EIF2AK4: variants seen among roughly 807,000 people sequenced by gnomAD.
The protein encoded by EIF2AK4 is eukaryotic translation initiation factor 2 alpha kinase 4.
In EIF2AK4, 139 loss-of-function variants were observed where a neutral mutation model predicts 211.1. The observed-to-expected ratio is 0.66, with a 90% CI of 0.57 to 0.76. The LOEUF is 0.76. EIF2AK4 is among the 30% of genes least tolerant of loss of function. EIF2AK4 has a pLI of 0.00. For missense variants in EIF2AK4, 1,664 were observed against 2,043.8 expected (o/e 0.81, Z 3.58); for synonymous variants, 710 against 751.3 (o/e 0.94, Z 0.90).
chr15:40,015,036 A>G (rs902790810), intron 27 of EIF2AK4, among the ~76,000 whole-genome samples: 1 of 152,160 alleles, frequency 6.6e-6, no homozygotes, highest in Non-Finnish European at 1.5e-5. Flanking sequence ...CCTCATCTCC[A>G]TCTGAGACCA....
Position 40,017,504 on chromosome 15 carries a change from TATA to T in EIF2AK4, c.4065+263_4065+265del, listed in dbSNP as rs2035320453. Among the ~76,000 whole-genome samples, 218 of 81,042 alleles carry T rather than the reference TATA, an allele frequency of 2.7e-3. 17 individuals are homozygous for T. The highest frequency in any genetic ancestry group is 0.023 in the East Asian group (54 of 2,342). 53.2% of individuals were successfully genotyped at this position (81,042 alleles called of 152,430 possible). A position where few individuals can be genotyped will look rare whatever the true frequency, so the allele number is the denominator to read the frequency against. ...TCATGTACCCTTTACTCTGTTTCTA[TATA>T]TATATATATATATATATATATATAT... On this transcript the variant is annotated intron_variant, in intron 29 of 38. Transcript: ENST00000263791.
chr15:39,951,551 C>A, intron 4 of EIF2AK4: 2 of 336,540 alleles, frequency 5.9e-6, no homozygotes. Context: ...GTTTTAAAAT[C>A]CTGAGCAATT....
At chr15:39,944,845 A>G (rs1595541893) in intron 3 of EIF2AK4, among the ~76,000 whole-genome samples, 1 of 152,320 alleles carries the variant, frequency 6.6e-6, no homozygotes, top group South Asian at 2.1e-4. Context: ...AAGTAACTGG[A>G]CAGATTTTTA....
chr15:39,969,497 T>A (rs1566989483), intron 9 of EIF2AK4, among the ~76,000 whole-genome samples: 1 of 151,178 alleles, frequency 6.6e-6, no homozygotes, highest in Non-Finnish European at 1.5e-5. Context: ...AGTAGCTGGG[T>A]CTACAGGCGC....
chr15:39,945,040 C>T (rs74984086), intron 3 of EIF2AK4, among the ~76,000 whole-genome samples: 6 of 152,086 alleles, frequency 3.9e-5, no homozygotes, highest in African/African-American at 1.4e-4. Flanking sequence ...CTTTCTAGTA[C>T]AAGGGGATTC....
intron 3 of EIF2AK4, among the ~76,000 whole-genome samples, chr15:39,947,077 T>C (rs2034238923): frequency 6.6e-6 from 1 of 152,200 alleles, no homozygotes; most frequent in Admixed American, 6.5e-5. Context: ...CCGCCTGTGC[T>C]AGCATTCATC....
rs145496998 is a variant in EIF2AK4 at position 39,994,794 on chromosome 15, G to A, written c.2766+1946G>A. ...GGTGAGGGTTAGGGTATCAGGAGATGGACTGCACACACTGTGAGTGTGGGC... is the reference window on the plus strand; with the variant it reads ...GGTGAGGGTTAGGGTATCAGGAGATAGACTGCACACACTGTGAGTGTGGGC... On this transcript the variant is annotated intron_variant, in intron 18 of 38. Transcript: ENST00000263791. Among the ~76,000 whole-genome samples, 983 of 152,106 alleles carry A rather than the reference G, an allele frequency of 6.5e-3. 6 individuals carry two copies. The highest frequency in any genetic ancestry group is 0.023 in the African/African-American group (941 of 41,490).
intron 26 of EIF2AK4, 71 bp downstream of exon 26, chr15:40,009,801 G>A: frequency 1.8e-6 from 2 of 1,133,644 alleles, no homozygotes; most frequent in Non-Finnish European, 2.6e-6. Context: ...AATAGTTCCT[G>A]ATGATTTTCT....
At chr15:39,960,761 C>T (rs978693300) in intron 6 of EIF2AK4, among the ~76,000 whole-genome samples, 1 of 152,090 alleles carries the variant, frequency 6.6e-6, no homozygotes, top group Admixed American at 6.6e-5. Flanking sequence ...CAGAGGAGAC[C>T]TTTGTAGGGG....
In EIF2AK4 at chr15:40,007,126, A is replaced by C. The variant is rs2035172752; in HGVS notation, c.3407+61A>C. 2.9e-6 allele frequency: 4 copies of C among 1,376,004 alleles called. No individual in the cohort carries two copies. The Admixed American group carries it at 7.3e-5, about 25-fold the overall frequency. The allele number at this position is 1,376,004 out of a possible 1,614,324, so 85.2% of individuals were successfully genotyped here. On this transcript the variant is annotated intron_variant, in intron 24 of 38. Coordinates refer to ENST00000263791, the MANE Select transcript of EIF2AK4 (RefSeq NM_001013703.4). ...AGGAAAATAGTTGAATAATTTGTCA[A>C]CCAGGAAAGAATATTTTATTTCCTG...
chr15:39,987,989 T>G lies in EIF2AK4; in HGVS notation c.2410T>G (p.Tyr804Asp). 6.2e-7 allele frequency: 1 copy of G among 1,614,054 alleles called. No homozygotes were observed. The highest frequency in any genetic ancestry group is 8.5e-7 in the Non-Finnish European group (1 of 1,179,994). Residue 804 changes from tyrosine (Y) to aspartate (D), a missense_variant, in exon 15 of 39, where the codon TAC becomes GAC. This residue lies in a region of EIF2AK4 where 4 missense variants were observed against 19.4 expected (regional missense o/e 0.21). Coordinates refer to ENST00000263791, the MANE Select transcript of EIF2AK4 (RefSeq NM_001013703.4). ...AVHYLYIQMEYCEKSTLRDTI... is the reference protein window; with the variant it reads ...AVHYLYIQMEDCEKSTLRDTI... ...CTGGTTTGTCTGTATATAGATGGAG[T>G]ACTGTGAGAAGAGCACTTTACGAGA...
intron 4 of EIF2AK4, among the ~76,000 whole-genome samples, chr15:39,950,212 A>G (rs1232708793): frequency 6.6e-6 from 1 of 152,212 alleles, no homozygotes; most frequent in African/African-American, 2.4e-5. Flanking sequence ...AGTTTAATGT[A>G]TTTTAATATT....
At chr15:39,987,732 CAT>C (rs754432056) in intron 14 of EIF2AK4, among the ~76,000 whole-genome samples, 5 of 152,084 alleles carry the variant, frequency 3.3e-5, no homozygotes, top group Non-Finnish European at 7.4e-5. Context: ...TTAAACAAGT[CAT>C]ATTTTTAAAT....
chr15:40,028,322 G>A (rs561441271), intron 33 of EIF2AK4, among the ~76,000 whole-genome samples: 33 of 152,128 alleles, frequency 2.2e-4, no homozygotes, highest in African/African-American at 6.5e-4. Flanking sequence ...CAACTCTCCC[G>A]CCTCAAGAAA....
chr15:39,945,260 C>G (rs2034211441), intron 3 of EIF2AK4, among the ~76,000 whole-genome samples: 1 of 151,770 alleles, frequency 6.6e-6, no homozygotes, highest in African/African-American at 2.4e-5. Context: ...GATTACAGGC[C>G]CGAGCCACCA....
intron 13 of EIF2AK4, among the ~76,000 whole-genome samples, chr15:39,982,284 C>A (rs1224750710): frequency 2.0e-5 from 3 of 152,148 alleles, no homozygotes; most frequent in East Asian, 3.9e-4. Context: ...TGAACTAAGC[C>A]TACCACCAAA....
chr15:39,958,163 A>G (rs922182154), intron 6 of EIF2AK4, among the ~76,000 whole-genome samples: 1 of 152,174 alleles, frequency 6.6e-6, no homozygotes, highest in Non-Finnish European at 1.5e-5. Flanking sequence ...AGTCCCCCCA[A>G]CCCACTGCCT....
intron 18 of EIF2AK4, among the ~76,000 whole-genome samples, chr15:39,993,172 CCATCCATCCACT>C (rs2034973597): frequency 6.6e-6 from 1 of 151,246 alleles, no homozygotes; most frequent in African/African-American, 2.4e-5. Context: ...GTCCATCCAC[CCATCCATCCACT>C]CGTCCATCCG....
intron 8 of EIF2AK4, among the ~76,000 whole-genome samples, chr15:39,966,747 T>C (rs1388924567): frequency 2.6e-5 from 4 of 152,220 alleles, no homozygotes; most frequent in African/African-American, 9.6e-5. Context: ...TCTTGAGTTA[T>C]CACTGGGTGG....
Sources: allele counts gnomAD v4.1 joint callset (sites outside exome capture counted in the v4.1 genomes callset), GRCh38; gene constraint gnomAD v4.1.1; regional missense constraint gnomAD v4.1.1; transcripts MANE v1.5; gene names NCBI Gene and HGNC (gene_info 2026-07-23, HGNC 2026-07-21).